GNA12: variants seen among roughly 807,000 people sequenced by gnomAD.
GNA12 encodes the protein guanine nucleotide-binding protein subunit alpha-12.
Under a neutral mutation model 26.0 loss-of-function variants are expected in GNA12, and 9 were observed. That is an observed-to-expected ratio of 0.35 (90% confidence interval 0.21 to 0.60). The LOEUF is 0.60. Ranked by LOEUF, GNA12 falls within the 20% of genes least tolerant of loss-of-function variation. The probability of loss-of-function intolerance (pLI) is 0.78; values close to 1 mark genes in which losing one functional copy is unlikely to be tolerated. For synonymous variants in GNA12, 264 were observed against 219.6 expected (o/e 1.20, Z -1.79); for missense variants, 405 against 525.8 (o/e 0.77, Z 2.25).
intron 2 of GNA12, among the ~76,000 whole-genome samples, chr7:2,785,299 G>T (rs1292737173): frequency 6.6e-6 from 1 of 152,198 alleles, no homozygotes; most frequent in Non-Finnish European, 1.5e-5. Context: ...TCTCAAGCCT[G>T]TCTGGGTCAT....
intron 1 of GNA12, among the ~76,000 whole-genome samples, chr7:2,811,000 G>T (rs146006226): frequency 1.3e-5 from 2 of 152,198 alleles, no homozygotes; most frequent in African/African-American, 4.8e-5. Flanking sequence ...ACCCAGGCCC[G>T]CAGCTCAGCC....
chr7:2,780,070 A>ATATATATGTG (rs1792188851), intron 2 of GNA12, among the ~76,000 whole-genome samples: 1 of 128,262 alleles, frequency 7.8e-6, no homozygotes, highest in Non-Finnish European at 1.7e-5. Context: ...ATATATATAT[A>ATATATATGTG]TATATATATA....
intron 2 of GNA12, among the ~76,000 whole-genome samples, chr7:2,780,048 G>GTGTATGTATATATATA: frequency 2.4e-5 from 2 of 84,728 alleles, no homozygotes; most frequent in Admixed American, 1.2e-4. Context: ...ACATTTCTGT[G>GTGTATGTATATATATA]TACATATATA....
chr7:2,760,649 C>G (rs186054635), intron 2 of GNA12, among the ~76,000 whole-genome samples: 181 of 152,348 alleles, frequency 1.2e-3, no homozygotes, highest in African/African-American at 3.7e-3. Flanking sequence ...AGACCTGTCA[C>G]TGTCCCTTTA....
At chr7:2,738,017 A>G (rs1790295720) in intron 2 of GNA12, among the ~76,000 whole-genome samples, 1 of 152,224 alleles carries the variant, frequency 6.6e-6, no homozygotes, top group South Asian at 2.1e-4. Context: ...CTGTGAAAGT[A>G]TTCTGGAAAA....
At chr7:2,805,135 CAAAT>C (rs1374727688) in intron 1 of GNA12, among the ~76,000 whole-genome samples, 1 of 152,090 alleles carries the variant, frequency 6.6e-6, no homozygotes, top group Non-Finnish European at 1.5e-5. Flanking sequence ...ACCAAGGTGC[CAAAT>C]AAATAAGCAG....
In GNA12 at chr7:2,842,579, C is replaced by T. The variant is rs981463915; in HGVS notation, c.309+1274G>A. Among the ~76,000 whole-genome samples, 207 of 152,090 alleles carry T rather than the reference C, an allele frequency of 1.4e-3. 1 individual carries two copies. Among genetic ancestry groups the T allele is most frequent in the African/African-American group, 4.2e-3 (176 of 41,418 alleles). ...TCCCAAAGTGCAGGGATTACAGGCA[C>T]GAGCCATCACACCTGGCCGACTTCT... On this transcript the variant is annotated intron_variant, in intron 1 of 3. Coordinates refer to ENST00000275364, the MANE Select transcript of GNA12 (RefSeq NM_007353.3).
chr7:2,762,889 T>C (rs1791633372), intron 2 of GNA12: 1 of 1,433,918 alleles, frequency 7.0e-7, no homozygotes, highest in Admixed American at 2.8e-5. Context: ...GTGGAGCCAT[T>C]GGTGCTGCGG....
intron 2 of GNA12, among the ~76,000 whole-genome samples, chr7:2,783,981 G>A (rs1468883830): frequency 4.0e-5 from 6 of 151,832 alleles, no homozygotes; most frequent in African/African-American, 1.2e-4. Flanking sequence ...CACCATGCCT[G>A]GCCTAATAAA....
At chr7:2,753,469 C>T (rs542827838) in intron 2 of GNA12, among the ~76,000 whole-genome samples, 1 of 152,296 alleles carries the variant, frequency 6.6e-6, no homozygotes, top group South Asian at 2.1e-4. Context: ...GCTTTTTTCA[C>T]TCAACATAAT....
intron 2 of GNA12, chr7:2,764,575 GTGAA>G (rs1266188281): frequency 6.6e-6 from 1 of 152,236 alleles, no homozygotes. Context: ...TCTCTGACAT[GTGAA>G]TGAATGATCT....
At chr7:2,804,638 C>G (rs1392229077) in intron 1 of GNA12, among the ~76,000 whole-genome samples, 1 of 152,188 alleles carries the variant, frequency 6.6e-6, no homozygotes, top group Non-Finnish European at 1.5e-5. Flanking sequence ...TCTTTGTCCT[C>G]TGGGGGCAGT....
chr7:2,756,569 C>T (rs1049888941), intron 2 of GNA12, among the ~76,000 whole-genome samples: 1 of 151,004 alleles, frequency 6.6e-6, no homozygotes, highest in Non-Finnish European at 1.5e-5. Context: ...GAGCCACAAT[C>T]GTGCCACTGC....
intron 2 of GNA12, among the ~76,000 whole-genome samples, chr7:2,786,567 GTCTA>G (rs1401404235): frequency 1.3e-5 from 2 of 152,166 alleles, no homozygotes; most frequent in Admixed American, 1.3e-4. Context: ...CTGTCTGTCT[GTCTA>G]TCTATGGAAG....
chr7:2,783,725 C>T (rs151243194), intron 2 of GNA12, among the ~76,000 whole-genome samples: 104 of 148,758 alleles, frequency 7.0e-4, no homozygotes, highest in Middle Eastern at 3.5e-3. Flanking sequence ...TGCTCTGTCC[C>T]CCAGGTTGGA....
In GNA12 at chr7:2,844,184, CCCCGCCGGCGCCCGGGGGCCATGGACGCT is replaced by C; in HGVS notation, c.-52_-24del. The C allele has an allele frequency of 1.0e-6, 1 of 979,122 alleles. No homozygotes were observed. The highest frequency in any genetic ancestry group is 1.2e-6 in the Non-Finnish European group (1 of 826,398). 60.7% of individuals were successfully genotyped at this position (979,122 alleles called of 1,614,324 possible). A position where few individuals can be genotyped will look rare whatever the true frequency, so the allele number is the denominator to read the frequency against. On this transcript the variant is annotated 5_prime_UTR_variant, in exon 1 of 4. The change abolishes an upstream ATG in the 5' untranslated region. Transcript: ENST00000275364. Reference sequence around the variant, plus strand: ...CATGGCCCCTCAGGCCGCGGCCGCGCCCCGCCGGCGCCCGGGGGCCATGGACGCTCCCGCCGGCGAGGGCGAGCCCGGGC... The same window carrying C: ...CATGGCCCCTCAGGCCGCGGCCGCGCCCCGCCGGCGAGGGCGAGCCCGGGC...
Sources: allele counts gnomAD v4.1 joint callset (sites outside exome capture counted in the v4.1 genomes callset), GRCh38; gene constraint gnomAD v4.1.1; transcripts MANE v1.5; gene names NCBI Gene and HGNC (gene_info 2026-07-23, HGNC 2026-07-21).